The following SLC35B1 variants were observed in gnomAD, a reference collection of about 807,000 sequenced individuals.
SLC35B1 encodes ATP/ADP exchanger ER.
In SLC35B1, 27 loss-of-function variants were observed where a neutral mutation model predicts 36.6. The observed-to-expected ratio is 0.74, with a 90% CI of 0.54 to 1.02. SLC35B1 has a LOEUF of 1.02. SLC35B1 is among the 50% of genes least tolerant of loss of function. The pLI, the probability that SLC35B1 is intolerant of heterozygous loss-of-function variation, is 0.00. For missense variants in SLC35B1, 321 were observed against 383.2 expected, an observed-to-expected ratio of 0.84 and a Z score of 1.35; for synonymous variants, 162 against 152.5, an observed-to-expected ratio of 1.06 and a Z score of -0.46.
chr17:49,701,475 T>C lies in SLC35B1; in HGVS notation c.952A>G (p.Lys318Glu). 18 of 1,613,784 alleles carry C rather than the reference T, an allele frequency of 1.1e-5. No homozygotes were observed. The highest frequency in any genetic ancestry group is 1.5e-5 in the Non-Finnish European group (18 of 1,179,694). Reference protein sequence around the residue: ...GLDAKFGKGAKKTSH With the variant: ...GLDAKFGKGAEKTSH ...CTCTCTTCCTAGTGGGATGTCTTCT[T>C]AGCTCCTTTCCCAAACTTGGCATCA... The change falls in exon 9 of 9, where the codon AAG becomes GAG. Residue 318 changes from lysine to glutamate, a missense_variant. Physicochemically the swap from Lys to Glu is moderately conservative, Grantham distance 56. Coordinates refer to ENST00000240333, the MANE Select transcript of SLC35B1 (RefSeq NM_005827.4).
At chr17:49,701,630 T>C in intron 8 of SLC35B1, 120 bp from the exon 9 acceptor site, 1 of 723,412 alleles carries the variant, frequency 1.4e-6, no homozygotes, top group Non-Finnish European at 2.5e-6. Flanking sequence ...ATAAAATACA[T>C]GTCAGAACAC....
Position 49,703,296 on chromosome 17 carries a change from T to G in SLC35B1, c.656-2A>C. 1 of 1,598,718 alleles carries G rather than the reference T, an allele frequency of 6.3e-7. No homozygotes were observed. The highest frequency in any genetic ancestry group is 8.6e-7 in the Non-Finnish European group (1 of 1,166,312). The stretch of plus-strand genomic sequence containing the variant: ...AGAGCTCCCCAGTGAACAGGATTCC[T>G]GAGAAGACATGTCAACAAATGTACG... On this transcript the variant is annotated splice_acceptor_variant, in intron 6 of 8. Coordinates refer to ENST00000240333, the MANE Select transcript of SLC35B1 (RefSeq NM_005827.4). LOFTEE classifies it high-confidence loss of function.
intron 3 of SLC35B1, 108 bp downstream of exon 3, chr17:49,706,096 C>G: frequency 4.7e-6 from 6 of 1,273,784 alleles, no homozygotes; most frequent in African/African-American, 1.5e-5. Flanking sequence ...CTTACAGGAC[C>G]GTTATCTTTT....
intron 1 of SLC35B1, chr17:49,707,433 C>G: frequency 6.9e-7 from 1 of 1,453,566 alleles, no homozygotes; most frequent in South Asian, 1.2e-5. Flanking sequence ...CAAAAGGGGG[C>G]CGACTCGGGT....
Position 49,707,779 on chromosome 17 carries a change from G to T in SLC35B1, c.55C>A (p.Leu19Met), listed in dbSNP as rs768443773. The change falls in exon 1 of 9, where the codon CTG becomes ATG. Residue 19 changes from leucine (L) to methionine (M), a missense_variant. Coordinates refer to ENST00000240333, the MANE Select transcript of SLC35B1 (RefSeq NM_005827.4). ...TAAAAATAGCAGACAAAGACACCCAGGAAGCAGAGCGGCAGGCGCAGCCGG... is the reference window on the plus strand; with the variant it reads ...TAAAAATAGCAGACAAAGACACCCATGAAGCAGAGCGGCAGGCGCAGCCGG... ...PDRLRLPLCF[L>M]GVFVCYFYYG... 6.2e-7 allele frequency: 1 copy of T among 1,612,150 alleles called. No individual in the cohort carries two copies. The highest frequency in any genetic ancestry group is 8.5e-7 in the Non-Finnish European group (1 of 1,179,872).
At position 49,707,629 on chromosome 17, in the gene SLC35B1, G is replaced by A. The variant is rs1013946666; in HGVS notation, c.104+101C>T. ...TAGGGTGCTAAGAGGGCGACAGCCGGGCAGGAGGACAAGAGGAAAGCCCGG... is the reference window on the plus strand; with the variant it reads ...TAGGGTGCTAAGAGGGCGACAGCCGAGCAGGAGGACAAGAGGAAAGCCCGG... On this transcript the variant is annotated intron_variant, in intron 1 of 8. Transcript: ENST00000240333. The A allele has an allele frequency of 3.4e-6, 5 of 1,466,224 alleles. No individual in the cohort carries two copies. In the Admixed American group the frequency reaches 8.7e-5, roughly 26 times the overall value. 90.8% of individuals were successfully genotyped at this position (1,466,224 alleles called of 1,614,324 possible).
chr17:49,703,284 G>A lies in SLC35B1; in HGVS notation c.666C>T (p.Phe222=). ...STLLLGMGIL[F]TGELWEFLSF... is the part of the protein sequence containing the mutation. ...TCAAGAACTCCCAGAGCTCCCCAGT[G>A]AACAGGATTCCTGAGAAGACATGTC... is the stretch of plus-strand genomic sequence containing the variant. The change falls in exon 7 of 9, where the codon TTC becomes TTT. Residue 222 remains phenylalanine, a synonymous_variant. Transcript: ENST00000240333. 1 of 1,612,150 alleles carries A rather than the reference G, an allele frequency of 6.2e-7. No homozygotes were observed. The highest frequency in any genetic ancestry group is 1.1e-5 in the South Asian group (1 of 91,000).
chr17:49,708,119 A>G, upstream of SLC35B1: 1 of 705,686 alleles, frequency 1.4e-6, no homozygotes. Flanking sequence ...CAGCCTCGAG[A>G]CTGATCCCTC....
At chr17:49,704,697 CAT>C (rs1378211641) in intron 5 of SLC35B1, among the ~76,000 whole-genome samples, 1 of 152,208 alleles carries the variant, frequency 6.6e-6, no homozygotes, top group Non-Finnish European at 1.5e-5. Context: ...GATAATACTA[CAT>C]ATGAGATTAT....
intron 5 of SLC35B1, among the ~76,000 whole-genome samples, chr17:49,704,620 A>G (rs986677056): frequency 2.0e-5 from 3 of 152,192 alleles, no homozygotes; most frequent in Non-Finnish European, 2.9e-5. Context: ...ACCACTTCAA[A>G]TAGCCAAGTG....
At chr17:49,705,372 A>G (rs975244556) in intron 4 of SLC35B1, 91 bp from the exon 5 acceptor site, 1 of 1,288,354 alleles carries the variant, frequency 7.8e-7, no homozygotes, top group Non-Finnish European at 1.1e-6. Context: ...GAAAAGACTC[A>G]GGGAGAAAAG....
rs75087027 is a variant in SLC35B1 at position 49,703,784 on chromosome 17, T to A, written c.655+316A>T. 737 of 374,870 alleles carry A rather than the reference T, an allele frequency of 2.0e-3. 9 individuals are homozygous for A. In the East Asian group the frequency reaches 0.038, roughly 19 times the overall value. The allele number at this position is 374,870 out of a possible 1,614,324, so 23.2% of individuals were successfully genotyped here. A position where few individuals can be genotyped will look rare whatever the true frequency, so the allele number is the denominator to read the frequency against. On this transcript the variant is annotated intron_variant, in intron 6 of 8. Transcript: ENST00000240333. Reference sequence around the variant, plus strand: ...TGTCTTCAGTGTACAGCTAACTCTGTTTCCTGTGAGCACTACGTGTGTCTC... The same window carrying A: ...TGTCTTCAGTGTACAGCTAACTCTGATTCCTGTGAGCACTACGTGTGTCTC...
chr17:49,705,296 C>CA lies in SLC35B1; in HGVS notation c.371-16dup, dbSNP rs1567820399. On this transcript the variant is annotated splice_polypyrimidine_tract_variant and intron_variant, in intron 4 of 8. Coordinates refer to ENST00000240333, the MANE Select transcript of SLC35B1 (RefSeq NM_005827.4). ...AAGGAGCATGACTACAGGGAAAAAACAGAGTGGAAAATTCAGGCATCCATA... is the reference window on the plus strand; with the variant it reads ...AAGGAGCATGACTACAGGGAAAAAACAAGAGTGGAAAATTCAGGCATCCATA... 5 of 1,613,074 alleles carry CA rather than the reference C, an allele frequency of 3.1e-6. No homozygotes were observed. In the East Asian group the frequency reaches 8.9e-5, roughly 29 times the overall value.
chr17:49,707,582 TCAGC>T, intron 1 of SLC35B1, 144 bp downstream of exon 1: 1 of 1,464,392 alleles, frequency 6.8e-7, no homozygotes, highest in African/African-American at 1.4e-5. Flanking sequence ...CTGGGTAGGC[TCAGC>T]CATAGCTGCA....
At chr17:49,701,930 A>AG in intron 8 of SLC35B1, 2 of 399,088 alleles carry the variant, frequency 5.0e-6, no homozygotes, top group South Asian at 1.8e-5. Flanking sequence ...TCGCTACAAA[A>AG]AAAAAAAAAA....
chr17:49,707,609 T>G, intron 1 of SLC35B1, 121 bp downstream of exon 1: 1 of 1,451,718 alleles, frequency 6.9e-7, no homozygotes. Context: ...AGTAGTAGGG[T>G]GCTAAGAGGG....
At chr17:49,708,130 G>A (rs1261868309), upstream of SLC35B1, 11 of 701,344 alleles carry the variant, frequency 1.6e-5, no homozygotes, top group Non-Finnish European at 2.8e-5. Flanking sequence ...CTGATCCCTC[G>A]CCCTGGAGAT....
rs1254708172 is a variant in SLC35B1 at position 49,703,269 on chromosome 17, C to G, written c.681G>C (p.Trp227Cys). ...ACCTTTCAGCAAAGCTCAAGAACTCCCAGAGCTCCCCAGTGAACAGGATTC... is the reference window on the plus strand; with the variant it reads ...ACCTTTCAGCAAAGCTCAAGAACTCGCAGAGCTCCCCAGTGAACAGGATTC... ...GMGILFTGEL[W>C]EFLSFAERYP... The change falls in exon 7 of 9, where the codon TGG (tryptophan) becomes TGC (cysteine). Residue 227 changes from tryptophan to cysteine, a missense_variant. Transcript: ENST00000240333. 1 of 1,613,298 alleles carries G rather than the reference C, an allele frequency of 6.2e-7. No homozygotes were observed. The highest frequency in any genetic ancestry group is 8.5e-7 in the Non-Finnish European group (1 of 1,179,590).
At chr17:49,706,102 CTTT>C (rs558001093) in intron 3 of SLC35B1, 99 bp downstream of exon 3, 21,141 of 815,196 alleles carry the variant, frequency 0.026, no homozygotes, top group East Asian at 0.043. Flanking sequence ...GGACCGTTAT[CTTT>C]TTTTTTTTTT....
Sources: gnomAD v4.1 joint callset for allele counts (sites outside exome capture counted in the v4.1 genomes callset) on GRCh38, gnomAD v4.1.1 for gene constraint, MANE v1.5 for transcripts, NCBI Gene and HGNC (gene_info 2026-07-23, HGNC 2026-07-21) for gene names.